Variants in RANBP2 observed in about 807,000 individuals in gnomAD.
The protein encoded by RANBP2 is RAN binding protein 2.
A neutral mutation model predicts 303.6 loss-of-function variants in RANBP2; 57 were observed. The ratio of observed to expected loss-of-function variants is 0.19; its 90% CI spans 0.15 to 0.23. The LOEUF is 0.23. Ranked by LOEUF, RANBP2 falls within the 10% of genes least tolerant of loss-of-function variation. The pLI is 1.00. For missense variants in RANBP2, 3,138 were observed against 3,780.8 expected (o/e 0.83, Z 4.46); for synonymous variants, 1,167 against 1,301.5 (o/e 0.90, Z 2.23).
chr2:109,586,316 G>A, the RANBP2 span, among the ~76,000 whole-genome samples: 1 of 152,166 alleles, frequency 6.6e-6, no homozygotes, highest in Non-Finnish European at 1.5e-5. Context: ...ACCCTTTTAA[G>A]TCACTAGAGT....
the RANBP2 span, among the ~76,000 whole-genome samples, chr2:109,447,163 AAAAAAGAAAAG>A: frequency 2.0e-5 from 3 of 151,158 alleles, no homozygotes; most frequent in Non-Finnish European, 4.4e-5. Flanking sequence ...AAAAAAAAAA[AAAAAAGAAAAG>A]AAAAAGAAAA....
chr2:109,559,805 A>C, the RANBP2 span, among the ~76,000 whole-genome samples: 1 of 151,906 alleles, frequency 6.6e-6, no homozygotes. Context: ...CAATGGTTTC[A>C]GTTCATTCAT....
the RANBP2 span, among the ~76,000 whole-genome samples, chr2:109,699,122 G>T: frequency 6.6e-6 from 1 of 152,114 alleles, no homozygotes; most frequent in East Asian, 1.9e-4. Context: ...TGCCTATGTG[G>T]GTTCTGGCAG....
the RANBP2 span, among the ~76,000 whole-genome samples, chr2:108,858,865 G>T: frequency 6.6e-6 from 1 of 151,950 alleles, no homozygotes; most frequent in Non-Finnish European, 1.5e-5. Context: ...ATTTTTTATG[G>T]TTGTATAGTA....
the RANBP2 span, among the ~76,000 whole-genome samples, chr2:108,990,833 TCTGTGATA>T: frequency 6.6e-6 from 1 of 152,152 alleles, no homozygotes; most frequent in Admixed American, 6.6e-5. Flanking sequence ...AGACTGAGGG[TCTGTGATA>T]AATTAAAGTC....
the RANBP2 span, among the ~76,000 whole-genome samples, chr2:109,037,769 G>A: frequency 6.8e-3 from 1,038 of 152,172 alleles, 5 homozygotes; most frequent in East Asian, 0.035. Context: ...ACATTTGCAC[G>A]CTAAAATTAT....
chr2:109,555,192 T>C, the RANBP2 span, among the ~76,000 whole-genome samples: 1 of 152,236 alleles, frequency 6.6e-6, no homozygotes, highest in African/African-American at 2.4e-5. Context: ...ATGCTATCTA[T>C]AGAATAAGGT....
At position 108,765,028 on chromosome 2, in the gene RANBP2, A is replaced by G; in HGVS notation, c.4489A>G (p.Thr1497Ala). The G allele has an allele frequency of 6.2e-7, 1 of 1,614,048 alleles. No homozygotes were observed. The highest frequency in any genetic ancestry group is 8.5e-7 in the Non-Finnish European group (1 of 1,179,960). Residue 1497 changes from threonine to alanine, a missense_variant, in exon 20 of 29, where the codon ACA (threonine) becomes GCA (alanine). By Grantham distance (58) the Thr-to-Ala change is moderately conservative. Transcript: ENST00000283195. Reference sequence around the variant, plus strand: ...TTTGGTACAAAATGAGGGGAGCTCTACAAAATGTGCTGCTTGTCAGAATCC... The same window carrying G: ...TTTGGTACAAAATGAGGGGAGCTCTGCAAAATGTGCTGCTTGTCAGAATCC... Reference protein sequence around the residue: ...ACLVQNEGSSTKCAACQNPRK... With the variant: ...ACLVQNEGSSAKCAACQNPRK...
chr2:108,925,436 G>C, the RANBP2 span, among the ~76,000 whole-genome samples: 182 of 152,288 alleles, frequency 1.2e-3, 2 homozygotes, highest in South Asian at 0.011. Context: ...GTGCCCAATG[G>C]GGCCACTACA....
the RANBP2 span, among the ~76,000 whole-genome samples, chr2:109,527,128 C>A: frequency 6.6e-6 from 1 of 152,216 alleles, no homozygotes; most frequent in African/African-American, 2.4e-5. Context: ...ATACACATAC[C>A]TACAAATGTT....
chr2:108,723,207 T>G lies in RANBP2; in HGVS notation c.72+3529T>G, dbSNP rs571420375. Among the ~76,000 whole-genome samples, 8 of 152,236 alleles carry G rather than the reference T, an allele frequency of 5.3e-5. No homozygotes were observed. The East Asian group carries it at 1.2e-3, about 22-fold the overall frequency. The stretch of plus-strand genomic sequence containing the variant: ...TTTTTCTGCCCTTTACAGCTATACT[T>G]CATACTTCTGAGTAACACACATATA... On this transcript the variant is annotated intron_variant, in intron 1 of 28. Coordinates refer to ENST00000283195, the MANE Select transcript of RANBP2 (RefSeq NM_006267.5).
chr2:109,171,173 T>C, the RANBP2 span, among the ~76,000 whole-genome samples: 15 of 152,218 alleles, frequency 9.9e-5, no homozygotes, highest in Non-Finnish European at 1.9e-4. Context: ...ATATGTACAT[T>C]TTTTGGTTTA....
chr2:109,179,396 A>G, the RANBP2 span, among the ~76,000 whole-genome samples: 2 of 152,134 alleles, frequency 1.3e-5, no homozygotes, highest in African/African-American at 4.8e-5. Context: ...ACTTGCCCAG[A>G]GTGGTGGCTC....
chr2:109,179,122 G>A, the RANBP2 span, among the ~76,000 whole-genome samples: 32 of 151,618 alleles, frequency 2.1e-4, no homozygotes, highest in East Asian at 2.3e-3. Flanking sequence ...AAATGTCATG[G>A]CAGCTGGAAG....
the RANBP2 span, chr2:108,929,067 C>T: frequency 3.7e-6 from 4 of 1,094,118 alleles, no homozygotes; most frequent in African/African-American, 4.6e-5. Context: ...TGGGATGGGA[C>T]CAAGGCCAGG....
the RANBP2 span, among the ~76,000 whole-genome samples, chr2:109,063,162 G>C: frequency 6.6e-6 from 1 of 152,180 alleles, no homozygotes; most frequent in Admixed American, 6.5e-5. Context: ...CCTCTGGCTT[G>C]TGCCTGTTGG....
the RANBP2 span, among the ~76,000 whole-genome samples, chr2:109,043,871 G>A: frequency 2.6e-5 from 4 of 152,166 alleles, no homozygotes; most frequent in Non-Finnish European, 5.9e-5. Context: ...TAATTTGGGG[G>A]AACAGCCTCA....
chr2:108,852,504 A>G, the RANBP2 span, among the ~76,000 whole-genome samples: 1 of 152,218 alleles, frequency 6.6e-6, no homozygotes, highest in Non-Finnish European at 1.5e-5. Context: ...ATCAACCCAA[A>G]TGCCCATCGA....
At chr2:108,787,339 A>G (rs1164995067), downstream of RANBP2, among the ~76,000 whole-genome samples, 4 of 152,176 alleles carry the variant, frequency 2.6e-5, no homozygotes, top group African/African-American at 7.2e-5. Flanking sequence ...ATTTTGCCAC[A>G]TTGGCTTTAC....
Sources: gnomAD v4.1 joint callset for allele counts (sites outside exome capture counted in the v4.1 genomes callset) on GRCh38, gnomAD v4.1.1 for gene constraint, MANE v1.5 for transcripts, NCBI Gene and HGNC (gene_info 2026-07-23, HGNC 2026-07-21) for gene names.